Variants in DENND1A observed in about 807,000 individuals in gnomAD.
The protein encoded by DENND1A is DENN domain-containing protein 1A.
In DENND1A, 51 loss-of-function variants were observed where a neutral mutation model predicts 113.7. The ratio of observed to expected loss-of-function variants is 0.45; its 90% CI spans 0.36 to 0.57. The LOEUF is 0.57. Among genes scored for constraint, DENND1A ranks in the 20% least tolerant of loss-of-function variants. DENND1A has a pLI of 0.00. For missense variants in DENND1A, 1,258 were observed against 1,395.9 expected, an observed-to-expected ratio of 0.90 and a Z score of 1.57; for synonymous variants, 565 against 570.8, an observed-to-expected ratio of 0.99 and a Z score of 0.14.
In DENND1A at chr9:123,383,840, C is replaced by A; in HGVS notation, c.1834G>T (p.Val612Leu). 6.2e-7 allele frequency: 1 copy of A among 1,613,904 alleles called. No homozygotes were observed. Among genetic ancestry groups the A allele is most frequent in the Admixed American group, 1.7e-5 (1 of 60,036 alleles). Residue 612 changes from valine (V) to leucine (L), a missense_variant, in exon 23 of 24, where the codon GTG becomes TTG. Coordinates refer to ENST00000394215, the MANE Select transcript of DENND1A (RefSeq NM_001352964.2). ...GDEAESPEQQ[V>L]RKSTGPVPAP... The stretch of plus-strand genomic sequence containing the variant: ...GGGACAGGGCCTGTGGACTTCCGCA[C>A]TTGCTGCTCTGGACTCTCTGCCTCG...
chr9:123,424,854 G>T (rs1039213408), intron 19 of DENND1A, among the ~76,000 whole-genome samples: 9 of 152,294 alleles, frequency 5.9e-5, no homozygotes, highest in Non-Finnish European at 1.0e-4. Flanking sequence ...GACACAGGAG[G>T]TCTACATTGT....
intron 2 of DENND1A, among the ~76,000 whole-genome samples, chr9:123,828,639 CA>C (rs59346883): frequency 2.5e-3 from 289 of 115,844 alleles, no homozygotes; most frequent in East Asian, 5.0e-3. Context: ...TAAAAGTAGC[CA>C]AAAAAAAAAA....
chr9:123,535,415 C>T, intron 13 of DENND1A, among the ~76,000 whole-genome samples: 1 of 152,110 alleles, frequency 6.6e-6, no homozygotes, highest in Non-Finnish European at 1.5e-5. Context: ...CACTGCACTC[C>T]AGCCTGGGTG....
chr9:123,614,062 C>A (rs570794561), intron 10 of DENND1A, among the ~76,000 whole-genome samples: 2 of 152,342 alleles, frequency 1.3e-5, no homozygotes, highest in African/African-American at 4.8e-5. Context: ...TACTATAATT[C>A]AGTCACCTTT....
At chr9:123,498,713 GTCTCTCTC>G (rs199500294) in intron 13 of DENND1A, among the ~76,000 whole-genome samples, 11 of 150,748 alleles carry the variant, frequency 7.3e-5, no homozygotes, top group African/African-American at 2.5e-4. Flanking sequence ...CACTTAACCA[GTCTCTCTC>G]TCTCTTTTTT....
At chr9:123,383,113 G>A (rs542470243) in intron 23 of DENND1A, among the ~76,000 whole-genome samples, 2 of 152,328 alleles carry the variant, frequency 1.3e-5, no homozygotes, top group East Asian at 3.9e-4. Context: ...TCCCAGCAGG[G>A]AACACTCATG....
chr9:123,517,037 A>C (rs952187573), intron 13 of DENND1A, among the ~76,000 whole-genome samples: 6 of 151,906 alleles, frequency 3.9e-5, no homozygotes, highest in Admixed American at 6.6e-5. Context: ...TTTAAGGAAA[A>C]ACTCTAAAAT....
chr9:123,453,827 T>C (rs2047912664), intron 16 of DENND1A, among the ~76,000 whole-genome samples: 1 of 152,238 alleles, frequency 6.6e-6, no homozygotes, highest in African/African-American at 2.4e-5. Flanking sequence ...CCCACTCATT[T>C]ATTCCATACT....
chr9:123,862,094 A>T (rs1845137126), intron 2 of DENND1A, among the ~76,000 whole-genome samples: 1 of 151,974 alleles, frequency 6.6e-6, no homozygotes, highest in Non-Finnish European at 1.5e-5. Flanking sequence ...AATTCCTAAT[A>T]AAAAAAAATT....
At chr9:123,824,152 G>A (rs1838945796) in intron 2 of DENND1A, among the ~76,000 whole-genome samples, 1 of 152,092 alleles carries the variant, frequency 6.6e-6, no homozygotes, top group Non-Finnish European at 1.5e-5. Context: ...AATGTGCTAG[G>A]TATTCACAGT....
intron 12 of DENND1A, among the ~76,000 whole-genome samples, chr9:123,578,873 T>A (rs2058751040): frequency 1.3e-5 from 2 of 152,250 alleles, no homozygotes; most frequent in South Asian, 4.1e-4. Flanking sequence ...TGTTTGTGTG[T>A]GTGTGTGATT....
Position 123,428,170 on chromosome 9 carries a change from C to T in DENND1A, c.1488+12190G>A, listed in dbSNP as rs962844420. On this transcript the variant is annotated intron_variant, in intron 19 of 23. Coordinates refer to ENST00000394215, the MANE Select transcript of DENND1A (RefSeq NM_001352964.2). Reference sequence around the variant, plus strand: ...AATACAAAAATTAAACAAGCCAAAACGAATCCAGCAGCACATCAAAAACTT... The same window carrying T: ...AATACAAAAATTAAACAAGCCAAAATGAATCCAGCAGCACATCAAAAACTT... Among the ~76,000 whole-genome samples the T allele has an allele frequency of 5.9e-5, 9 of 152,044 alleles. No individual in the cohort carries two copies. The East Asian group carries it at 7.7e-4, about 13-fold the overall frequency.
intron 2 of DENND1A, among the ~76,000 whole-genome samples, chr9:123,819,209 T>C (rs189402563): frequency 3.3e-5 from 5 of 152,324 alleles, no homozygotes; most frequent in Non-Finnish European, 2.9e-5. Flanking sequence ...TATAATACTC[T>C]ACCTCCTTTT....
intron 13 of DENND1A, among the ~76,000 whole-genome samples, chr9:123,548,920 GAGA>G (rs1055334184): frequency 6.6e-6 from 1 of 152,208 alleles, no homozygotes; most frequent in African/African-American, 2.4e-5. Flanking sequence ...AAAGGGAAAT[GAGA>G]AGTTCTTGCT....
At chr9:123,817,602 AT>A (rs1164056641) in intron 2 of DENND1A, among the ~76,000 whole-genome samples, 2 of 152,168 alleles carry the variant, frequency 1.3e-5, no homozygotes. Flanking sequence ...GTTAACTTAA[AT>A]TTCTCATGTT....
intron 11 of DENND1A, among the ~76,000 whole-genome samples, chr9:123,596,190 C>G (rs2059682877): frequency 6.6e-6 from 1 of 152,176 alleles, no homozygotes; most frequent in Non-Finnish European, 1.5e-5. Flanking sequence ...TACTCCTATC[C>G]CCGCCTCAGG....
chr9:123,896,174 T>C (rs1490682517), intron 1 of DENND1A, among the ~76,000 whole-genome samples: 1 of 151,972 alleles, frequency 6.6e-6, no homozygotes, highest in Non-Finnish European at 1.5e-5. Context: ...CAGCAGGGCA[T>C]GGTGGTACAC....
chr9:123,495,891 C>T (rs1447801782), intron 13 of DENND1A, among the ~76,000 whole-genome samples: 1 of 152,196 alleles, frequency 6.6e-6, no homozygotes, highest in Admixed American at 6.5e-5. Context: ...AATTAGCTGT[C>T]AGAGAGGACC....
chr9:123,789,852 G>A (rs529420727), intron 3 of DENND1A, among the ~76,000 whole-genome samples: 2 of 152,158 alleles, frequency 1.3e-5, no homozygotes, highest in East Asian at 3.9e-4. Flanking sequence ...AAGGTACAAA[G>A]AACACACAGA....
Sources: gnomAD v4.1 joint callset for allele counts (sites outside exome capture counted in the v4.1 genomes callset) on GRCh38, gnomAD v4.1.1 for gene constraint, MANE v1.5 for transcripts, NCBI Gene and HGNC (gene_info 2026-07-23, HGNC 2026-07-21) for gene names.